The following DLG2 variants were observed in gnomAD, a reference collection of about 807,000 sequenced individuals.
DLG2 encodes discs large MAGUK scaffold protein 2.
In DLG2, 45 loss-of-function variants were observed where a neutral mutation model predicts 132.5. The ratio of observed to expected loss-of-function variants is 0.34; its 90% CI spans 0.27 to 0.44. DLG2 has a LOEUF of 0.44. Ranked by LOEUF, DLG2 falls within the 20% of genes least tolerant of loss-of-function variation. DLG2 has a pLI of 1.00. For missense variants in DLG2, 1,045 were observed against 1,196.9 expected, an observed-to-expected ratio of 0.87 and a Z score of 1.87; for synonymous variants, 424 against 419.6, an observed-to-expected ratio of 1.01 and a Z score of -0.13.
chr11:84,365,244 A>G (rs917448873), intron 7 of DLG2, among the ~76,000 whole-genome samples: 42 of 151,828 alleles, frequency 2.8e-4, no homozygotes, highest in African/African-American at 1.0e-3. Flanking sequence ...GTCTTGGGAG[A>G]GTGTATGTGC....
At chr11:84,853,342 C>G (rs2082377175) in intron 6 of DLG2, among the ~76,000 whole-genome samples, 1 of 151,906 alleles carries the variant, frequency 6.6e-6, no homozygotes, top group African/African-American at 2.4e-5. Context: ...GGGAAAGTTT[C>G]TTTTTCAATA....
At chr11:84,545,316 G>A in intron 6 of DLG2, 1 of 510,056 alleles carries the variant, frequency 2.0e-6, no homozygotes, top group South Asian at 1.5e-5. Context: ...AATCACTGTA[G>A]CTTCCTTCAC....
chr11:85,216,013 T>TAAAA (rs35448301), intron 4 of DLG2, among the ~76,000 whole-genome samples: 1 of 145,016 alleles, frequency 6.9e-6, no homozygotes. Context: ...ATTTGGAAGT[T>TAAAA]AAAAAAAAAA....
At position 84,585,843 on chromosome 11, in the gene DLG2, C is replaced by T. The variant is rs1170037110; in HGVS notation, c.358-51112G>A. ...TTCTGTAACTTTAGTAATTTTTTAACTCTTGACATTAAAACGTATCTTATA... is the reference window on the plus strand; with the variant it reads ...TTCTGTAACTTTAGTAATTTTTTAATTCTTGACATTAAAACGTATCTTATA... On this transcript the variant is annotated intron_variant, in intron 6 of 27. Transcript: ENST00000376104. Among the ~76,000 whole-genome samples, 11 of 152,134 alleles carry T rather than the reference C, an allele frequency of 7.2e-5. 1 individual carries two copies. The highest frequency in any genetic ancestry group is 1.6e-4 in the Non-Finnish European group (11 of 68,008).
At chr11:84,607,212 T>G (rs929862988) in intron 6 of DLG2, among the ~76,000 whole-genome samples, 3 of 152,158 alleles carry the variant, frequency 2.0e-5, no homozygotes, top group African/African-American at 7.2e-5. Context: ...GAGCCACAAC[T>G]ATAATTCAAG....
chr11:84,066,929 G>A (rs1033000778), intron 10 of DLG2, among the ~76,000 whole-genome samples: 1 of 152,030 alleles, frequency 6.6e-6, no homozygotes, highest in African/African-American at 2.4e-5. Context: ...AGACCAAAGG[G>A]CCACATCATG....
At chr11:85,282,599 C>T (rs552017) in intron 4 of DLG2, among the ~76,000 whole-genome samples, 115,533 of 151,698 alleles carry the variant, frequency 0.76, 44,709 homozygotes, top group Middle Eastern at 0.86. Flanking sequence ...ACAGTATAAG[C>T]GGAAAGTGAG....
intron 18 of DLG2, among the ~76,000 whole-genome samples, chr11:83,699,155 GC>G (rs1376890422): frequency 6.6e-6 from 1 of 152,150 alleles, no homozygotes; most frequent in Non-Finnish European, 1.5e-5. Flanking sequence ...GCAGATAGGA[GC>G]ATAAGGATAG....
At chr11:83,802,229 T>C (rs2044613291) in intron 17 of DLG2, among the ~76,000 whole-genome samples, 1 of 152,108 alleles carries the variant, frequency 6.6e-6, no homozygotes. Context: ...CTTGCAAACA[T>C]TGTTAAACAA....
At chr11:84,377,701 CA>C (rs1330436584) in intron 7 of DLG2, among the ~76,000 whole-genome samples, 1 of 151,938 alleles carries the variant, frequency 6.6e-6, no homozygotes, top group Non-Finnish European at 1.5e-5. Flanking sequence ...TTCTATATCA[CA>C]AAAGTCTGAG....
chr11:85,450,795 C>T (rs912084203), intron 3 of DLG2, among the ~76,000 whole-genome samples: 12 of 151,958 alleles, frequency 7.9e-5, no homozygotes, highest in African/African-American at 2.9e-4. Flanking sequence ...TGGAATTGAA[C>T]TATCTTTCCT....
chr11:84,687,454 C>A (rs1191454264), intron 6 of DLG2, among the ~76,000 whole-genome samples: 1 of 152,178 alleles, frequency 6.6e-6, no homozygotes, highest in Non-Finnish European at 1.5e-5. Flanking sequence ...TAGCTTTCAA[C>A]ATATTTTCCC....
chr11:85,230,602 G>A (rs1009346971), intron 4 of DLG2, among the ~76,000 whole-genome samples: 16 of 151,644 alleles, frequency 1.1e-4, no homozygotes, highest in African/African-American at 3.4e-4. Context: ...ATAATTCCCA[G>A]TTTATTATAA....
intron 3 of DLG2, among the ~76,000 whole-genome samples, chr11:85,323,750 C>G (rs1261672160): frequency 6.6e-6 from 1 of 152,222 alleles, no homozygotes; most frequent in African/African-American, 2.4e-5. Flanking sequence ...TGAGAATATA[C>G]AATACTTGTA....
intron 7 of DLG2, among the ~76,000 whole-genome samples, chr11:84,319,469 T>C (rs1019044523): frequency 2.0e-5 from 3 of 152,216 alleles, no homozygotes; most frequent in East Asian, 1.9e-4. Flanking sequence ...CAAGGGCCCA[T>C]TGGCATCTTC....
chr11:84,133,597 T>C (rs1435871161), intron 9 of DLG2, among the ~76,000 whole-genome samples: 13 of 150,714 alleles, frequency 8.6e-5, no homozygotes, highest in Admixed American at 8.0e-4. Context: ...TCATTTTTGT[T>C]TTGGATCTCT....
chr11:85,526,601 G>C (rs1169358370), intron 3 of DLG2, among the ~76,000 whole-genome samples: 1 of 152,172 alleles, frequency 6.6e-6, no homozygotes, highest in African/African-American at 2.4e-5. Context: ...AAGAGCATTA[G>C]AACTGGTAAC....
intron 21 of DLG2, among the ~76,000 whole-genome samples, chr11:83,492,757 T>G (rs1428820768): frequency 6.6e-6 from 1 of 152,004 alleles, no homozygotes; most frequent in Non-Finnish European, 1.5e-5. Flanking sequence ...AGCTTTAAAA[T>G]ACACCCATAA....
intron 6 of DLG2, among the ~76,000 whole-genome samples, chr11:84,733,172 G>T (rs945351529): frequency 6.6e-6 from 1 of 152,066 alleles, no homozygotes; most frequent in Non-Finnish European, 1.5e-5. Context: ...GGGATTGCTG[G>T]GTCAAATGGT....
Sources: allele counts gnomAD v4.1 joint callset (sites outside exome capture counted in the v4.1 genomes callset), GRCh38; gene constraint gnomAD v4.1.1; transcripts MANE v1.5; gene names NCBI Gene and HGNC (gene_info 2026-07-23, HGNC 2026-07-21).